LARP4B: variants seen among roughly 807,000 people sequenced by gnomAD.
The protein encoded by LARP4B is la-related protein 4B.
LARP4B carries 12 observed loss-of-function variants against 89.8 expected under a neutral mutation model. The ratio of observed to expected loss-of-function variants is 0.13; its 90% CI spans 0.09 to 0.22. The LOEUF (loss-of-function observed/expected upper bound fraction) is 0.22, where lower values mean the gene tolerates loss of function less well. Among genes scored for constraint, LARP4B ranks in the 10% least tolerant of loss-of-function variants. LARP4B has a pLI of 1.00. For missense variants in LARP4B, 757 were observed against 947.7 expected, an observed-to-expected ratio of 0.80 and a Z score of 2.64; for synonymous variants, 367 against 363.3, an observed-to-expected ratio of 1.01 and a Z score of -0.12.
At chr10:845,604 C>A (rs556528133) in intron 5 of LARP4B, among the ~76,000 whole-genome samples, 1 of 152,172 alleles carries the variant, frequency 6.6e-6, no homozygotes, top group African/African-American at 2.4e-5. Flanking sequence ...GATAAATAAA[C>A]CAGATCTTCA....
At chr10:972,316 CCG>C in the LARP4B span, 1 of 371,588 alleles carries the variant, frequency 2.7e-6, no homozygotes, top group Non-Finnish European at 5.2e-6. Flanking sequence ...GCGTGAGCAA[CCG>C]CACCCAGCCT....
rs1832418047 is a variant in LARP4B at position 822,653 on chromosome 10, A to AG, written c.1485-1809dup. Among the ~76,000 whole-genome samples, 1 of 152,230 alleles carries AG rather than the reference A, an allele frequency of 6.6e-6. No homozygotes were observed. Among genetic ancestry groups the AG allele is most frequent in the African/African-American group, 2.4e-5 (1 of 41,458 alleles). ...CAGTGACAGGGCCATGGTGGGTTAC[A>AG]GCTCACAAGGGGTAGCAAGGGACCC... On this transcript the variant is annotated intron_variant, in intron 13 of 17. Coordinates refer to ENST00000316157, the MANE Select transcript of LARP4B (RefSeq NM_015155.3). This position sits in a 1 kb window ranked among gnomAD's most constrained non-coding sequence, Gnocchi z 4.6.
intron 8 of LARP4B, among the ~76,000 whole-genome samples, chr10:834,354 C>G (rs1383486271): frequency 6.6e-6 from 1 of 152,202 alleles, no homozygotes; most frequent in Non-Finnish European, 1.5e-5. Flanking sequence ...GACTATCAGT[C>G]TACTAGTGGC....
the LARP4B span, among the ~76,000 whole-genome samples, chr10:974,265 G>A: frequency 1.3e-5 from 2 of 151,784 alleles, no homozygotes; most frequent in Non-Finnish European, 2.9e-5. Flanking sequence ...TACATGGCTC[G>A]CTCCCACGGA....
chr10:943,803 G>A, the LARP4B span, among the ~76,000 whole-genome samples: 1 of 151,990 alleles, frequency 6.6e-6, no homozygotes, highest in African/African-American at 2.4e-5. Context: ...GGAGTGCAGC[G>A]GCATTTCCGG....
intron 8 of LARP4B, among the ~76,000 whole-genome samples, chr10:834,662 T>C (rs1170590722): frequency 6.6e-6 from 1 of 152,312 alleles, no homozygotes; most frequent in Admixed American, 6.5e-5. Context: ...AAGACTTTCA[T>C]TGCTCAAGTT....
intron 1 of LARP4B, among the ~76,000 whole-genome samples, chr10:909,293 C>CA (rs56787174): frequency 0.23 from 18,880 of 80,394 alleles, 2,176 homozygotes; most frequent in Non-Finnish European, 0.31. Flanking sequence ...GACTCCGTCT[C>CA]AAAAAAAAAA....
chr10:864,371 G>T (rs1564416009), intron 3 of LARP4B, 101 bp from the exon 4 acceptor site: 1 of 1,119,692 alleles, frequency 8.9e-7, no homozygotes, highest in Admixed American at 2.1e-5. Context: ...AGGCTCCAAA[G>T]GCTCAGCCTA....
At chr10:933,230 C>T (rs1830703519), upstream of LARP4B, 1 of 152,198 alleles carries the variant, frequency 6.6e-6, no homozygotes. Context: ...CCCATTAAAA[C>T]GGCTTTTCAG....
the LARP4B span, among the ~76,000 whole-genome samples, chr10:945,176 G>C: frequency 2.6e-5 from 4 of 151,860 alleles, no homozygotes; most frequent in Admixed American, 2.6e-4. Context: ...TTGAGGTCAG[G>C]AGTTCGAGAC....
chr10:936,086 T>C (rs116330720), upstream of LARP4B, among the ~76,000 whole-genome samples: 1,296 of 152,268 alleles, frequency 8.5e-3, 21 homozygotes, highest in African/African-American at 0.03. Context: ...ACTTCTCCAA[T>C]GTGTAGCCGC....
chr10:867,736 C>T (rs1451357846), intron 3 of LARP4B, among the ~76,000 whole-genome samples: 1 of 151,818 alleles, frequency 6.6e-6, no homozygotes, highest in Non-Finnish European at 1.5e-5. Flanking sequence ...TGGCACACAC[C>T]TGTAATCCCA....
chr10:914,106 A>G (rs1471733263), intron 1 of LARP4B, among the ~76,000 whole-genome samples: 1 of 152,200 alleles, frequency 6.6e-6, no homozygotes, highest in African/African-American at 2.4e-5. Flanking sequence ...TATAAACAAA[A>G]TATATTTAGG....
In LARP4B at chr10:812,961, G is replaced by C; in HGVS notation, c.2182C>G (p.Arg728Gly). Residue 728 changes from arginine (R) to glycine (G), a missense_variant, in exon 18 of 18, where the codon CGA (arginine) becomes GGA (glycine). By Grantham distance (125) the Arg-to-Gly change is moderately radical (BLOSUM62 -2). Coordinates refer to ENST00000316157, the MANE Select transcript of LARP4B (RefSeq NM_015155.3). ...SPSAMGKRLS[R>G]EQSTPPKSPQ is the part of the protein sequence containing the mutation. The stretch of plus-strand genomic sequence containing the variant: ...GACTTGGGGGGAGTGCTCTGCTCTC[G>C]GCTGAGACGCTTCCCCATGGCCGAG... 5.7e-6 allele frequency: 9 copies of C among 1,566,778 alleles called. No homozygotes were observed. The highest frequency in any genetic ancestry group is 7.7e-6 in the Non-Finnish European group (9 of 1,165,672).
At chr10:946,190 T>G in the LARP4B span, among the ~76,000 whole-genome samples, 5 of 152,202 alleles carry the variant, frequency 3.3e-5, no homozygotes, top group South Asian at 8.3e-4. Flanking sequence ...TTCTTCACAT[T>G]TATCGTTTTT....
At position 814,641 on chromosome 10, in the gene LARP4B, T is replaced by A. The variant is rs958826744; in HGVS notation, c.1929+101A>T. The A allele has an allele frequency of 3.9e-6, 6 of 1,550,348 alleles. No individual in the cohort carries two copies. The Admixed American group carries it at 9.8e-5, about 25-fold the overall frequency. On this transcript the variant is annotated intron_variant, in intron 17 of 17. Coordinates refer to ENST00000316157, the MANE Select transcript of LARP4B (RefSeq NM_015155.3). This position sits in a 1 kb window ranked among gnomAD's most constrained non-coding sequence, Gnocchi z 4.4. ...CAGACGCAAATAAAAACCCACCAAA[T>A]TAGATGTGATTAAAAAACGAGCAGG...
At chr10:928,602 G>A (rs1361815291) in intron 1 of LARP4B, among the ~76,000 whole-genome samples, 1 of 152,088 alleles carries the variant, frequency 6.6e-6, no homozygotes, top group Non-Finnish European at 1.5e-5. Context: ...GGGGTGGGGG[G>A]AGACAAGGTC....
chr10:881,963 C>A (rs1835684022), intron 3 of LARP4B, among the ~76,000 whole-genome samples: 1 of 152,192 alleles, frequency 6.6e-6, no homozygotes, highest in Non-Finnish European at 1.5e-5. Flanking sequence ...TTTATGCAGG[C>A]AGTACTAGCT....
intron 1 of LARP4B, among the ~76,000 whole-genome samples, chr10:888,384 T>TA (rs1192873907): frequency 2.1e-5 from 3 of 144,914 alleles, no homozygotes; most frequent in Non-Finnish European, 4.6e-5. Context: ...ACCCAGAAAA[T>TA]TACAAAGTTA....
Sources: allele counts gnomAD v4.1 joint callset (sites outside exome capture counted in the v4.1 genomes callset), GRCh38; gene constraint gnomAD v4.1.1; non-coding constraint Gnocchi (gnomAD v3.1); transcripts MANE v1.5; gene names NCBI Gene and HGNC (gene_info 2026-07-23, HGNC 2026-07-21).